The following TMEM131 variants were observed in gnomAD, a reference collection of about 807,000 sequenced individuals.
TMEM131 encodes transmembrane protein 131.
In TMEM131, 66 loss-of-function variants were observed where a neutral mutation model predicts 211.6. That is an observed-to-expected ratio of 0.31 (90% CI 0.26 to 0.38). The LOEUF (loss-of-function observed/expected upper bound fraction) is 0.38. Ranked by LOEUF, TMEM131 falls within the 10% of genes least tolerant of loss-of-function variation. The probability of loss-of-function intolerance (pLI) is 1.00; values close to 1 mark genes in which losing one functional copy is unlikely to be tolerated. For missense variants in TMEM131, 2,036 were observed against 2,299.3 expected (o/e 0.89, Z 2.34); for synonymous variants, 844 against 841.3 (o/e 1.00, Z -0.06).
chr2:97,967,178 A>C (rs1020301585), intron 1 of TMEM131, among the ~76,000 whole-genome samples: 14 of 152,186 alleles, frequency 9.2e-5, no homozygotes, highest in Non-Finnish European at 8.8e-5. Flanking sequence ...TAATTTCATA[A>C]GCTGACTGAT....
At chr2:97,849,717 CTTTTT>C (rs11320615) in intron 5 of TMEM131, among the ~76,000 whole-genome samples, 15 of 103,816 alleles carry the variant, frequency 1.4e-4, no homozygotes, top group African/African-American at 3.5e-4. Context: ...CTCTCTCTCT[CTTTTT>C]TTTTTTTTTT....
chr2:97,943,011 GAAAAGAAAAGAAAAGAAAAGAAAAGAAAA>G (rs1677827581), intron 1 of TMEM131, among the ~76,000 whole-genome samples: 4 of 48,856 alleles, frequency 8.2e-5, no homozygotes, highest in African/African-American at 4.1e-4. Flanking sequence ...AGAAAAGAAA[GAAAAGAAAAGAAAAGAAAAGAAAAGAAAA>G]GAAAGAAAGA....
chr2:97,906,658 A>C (rs1676083727), intron 3 of TMEM131, among the ~76,000 whole-genome samples: 1 of 152,232 alleles, frequency 6.6e-6, no homozygotes, highest in South Asian at 2.1e-4. Flanking sequence ...AGAGGCCTAC[A>C]TATAGGCATT....
At position 97,792,746 on chromosome 2, in the gene TMEM131, G is replaced by T; in HGVS notation, c.3784C>A (p.Pro1262Thr). The T allele has an allele frequency of 6.2e-7, 1 of 1,614,028 alleles. No homozygotes were observed. The highest frequency in any genetic ancestry group is 8.5e-7 in the Non-Finnish European group (1 of 1,179,902). ...ASSQSANKTS[P>T]LVLDSNTVTQ... ...ACTGTGTTCGAATCTAAGACAAGGG[G>T]GCTTGTTTTGTTAGCAGACTGTGAA... The change falls in exon 31 of 41, where the codon CCC becomes ACC. Residue 1262 changes from proline to threonine, a missense_variant. Around this residue, in one of 3 missense-constraint regions of TMEM131, gnomAD observed 1,623 missense variants for 1,805.9 expected, o/e 0.90. Coordinates refer to ENST00000186436, the MANE Select transcript of TMEM131 (RefSeq NM_015348.2).
intron 1 of TMEM131, among the ~76,000 whole-genome samples, chr2:97,962,773 G>T (rs1503201): frequency 0.025 from 3,760 of 152,178 alleles, 166 homozygotes; most frequent in African/African-American, 0.087. Context: ...CCCTAAACTT[G>T]AAACAACCCA....
In TMEM131 at chr2:97,792,627, G is replaced by A. The variant is rs754675854; in HGVS notation, c.3903C>T (p.His1301=). The change falls in exon 31 of 41, where the codon CAC becomes CAT. Residue 1301 remains histidine, a synonymous_variant. Transcript: ENST00000186436. ...CTGGCGGTGGCAGAGGAGGCTGAGG[G>A]TGCTGCTCCAGCGGGCTGTGGGCAT... ...QHHAHSPLEQ[H]PQPPLPPPVP... 2 of 1,613,344 alleles carry A rather than the reference G, an allele frequency of 1.2e-6. No homozygotes were observed. The highest frequency in any genetic ancestry group is 4.5e-5 in the East Asian group (2 of 44,886).
In TMEM131 at chr2:97,756,783, GA is replaced by G; in HGVS notation, c.*315del. On this transcript the variant is annotated 3_prime_UTR_variant, in exon 41 of 41. Coordinates refer to ENST00000186436, the MANE Select transcript of TMEM131 (RefSeq NM_015348.2). Reference sequence around the variant, plus strand: ...GTAATGTCAAATCTGTGTTCATACAGATAAATAAAGCATGGGGAAGACAGGT... The same window carrying G: ...GTAATGTCAAATCTGTGTTCATACAGTAAATAAAGCATGGGGAAGACAGGT... The G allele has an allele frequency of 4.8e-6, 1 of 208,346 alleles. No individual in the cohort carries two copies. Among genetic ancestry groups the G allele is most frequent in the South Asian group, 1.7e-4 (1 of 5,728 alleles). The allele number at this position is 208,346 out of a possible 1,614,324, so 12.9% of individuals were successfully genotyped here. A position where few individuals can be genotyped will look rare whatever the true frequency, so the allele number is the denominator to read the frequency against.
intron 4 of TMEM131, 23 bp from the exon 5 acceptor site, chr2:97,859,450 T>A (rs766248060): frequency 2.0e-6 from 3 of 1,518,088 alleles, no homozygotes; most frequent in South Asian, 2.6e-5. Context: ...AAGAAAATTA[T>A]CACAAATATT....
intron 31 of TMEM131, among the ~76,000 whole-genome samples, chr2:97,783,313 G>A (rs113991406): frequency 6.6e-6 from 1 of 152,048 alleles, no homozygotes; most frequent in African/African-American, 2.4e-5. Flanking sequence ...ATGGCTGAAG[G>A]AAGTTACCAA....
chr2:97,758,782 ATGC>A (rs1308322066), intron 40 of TMEM131, 108 bp downstream of exon 40: 22 of 1,394,946 alleles, frequency 1.6e-5, no homozygotes, highest in Non-Finnish European at 1.8e-5. Flanking sequence ...CACCCCTCTG[ATGC>A]TGCTGTTTGT....
chr2:97,778,366 T>C (rs1034657817), intron 31 of TMEM131, among the ~76,000 whole-genome samples: 10 of 152,062 alleles, frequency 6.6e-5, no homozygotes, highest in African/African-American at 2.4e-4. Context: ...GCCTGGCCAA[T>C]ATGATGAAAC....
In TMEM131 at chr2:97,864,336, T is replaced by TA. The variant is rs781443565; in HGVS notation, c.360-4910dup. Reference sequence around the variant, plus strand: ...CCTAGCACAACACGGTGACTACAGTTAAAAAAAAAATTAACTGTACCTTTT... The same window carrying TA: ...CCTAGCACAACACGGTGACTACAGTTAAAAAAAAAAATTAACTGTACCTTTT... On this transcript the variant is annotated intron_variant, in intron 4 of 40. Transcript: ENST00000186436. Among the ~76,000 whole-genome samples, 131 of 149,702 alleles carry TA rather than the reference T, an allele frequency of 8.8e-4. 3 individuals are homozygous for TA. In the East Asian group the frequency reaches 0.017, roughly 19 times the overall value.
intron 11 of TMEM131, among the ~76,000 whole-genome samples, chr2:97,824,130 T>C (rs1050283660): frequency 1.3e-5 from 2 of 152,154 alleles, no homozygotes; most frequent in Admixed American, 6.5e-5. Flanking sequence ...AAGGACACTT[T>C]AAAAAAGATT....
At chr2:97,955,091 C>T (rs922785561) in intron 1 of TMEM131, among the ~76,000 whole-genome samples, 3 of 151,802 alleles carry the variant, frequency 2.0e-5, no homozygotes, top group Non-Finnish European at 4.4e-5. Flanking sequence ...CAAACAAATA[C>T]CAGCAAACTG....
chr2:97,956,248 G>A (rs1393756246), intron 1 of TMEM131, among the ~76,000 whole-genome samples: 2 of 152,152 alleles, frequency 1.3e-5, no homozygotes, highest in Non-Finnish European at 2.9e-5. Flanking sequence ...TAATCCACTG[G>A]AGGAATTTTT....
At chr2:97,901,603 T>TA (rs771745129) in intron 3 of TMEM131, among the ~76,000 whole-genome samples, 31 of 152,194 alleles carry the variant, frequency 2.0e-4, no homozygotes, top group African/African-American at 7.0e-4. Flanking sequence ...TATTCAGCCA[T>TA]AAAAAACAAT....
intron 1 of TMEM131, among the ~76,000 whole-genome samples, chr2:97,960,154 A>ACAAG (rs1553620490): frequency 1.3e-5 from 2 of 151,568 alleles, no homozygotes; most frequent in Non-Finnish European, 3.0e-5. Flanking sequence ...TTTGTAATAG[A>ACAAG]TAATTCATAA....
At chr2:97,786,464 G>C (rs371868649) in intron 31 of TMEM131, among the ~76,000 whole-genome samples, 27 of 152,280 alleles carry the variant, frequency 1.8e-4, no homozygotes, top group African/African-American at 6.0e-4. Context: ...AAGTCTGGGA[G>C]GCTGCACTGG....
chr2:97,911,924 AAAAAC>A (rs1269328531), intron 2 of TMEM131, among the ~76,000 whole-genome samples: 2 of 152,202 alleles, frequency 1.3e-5, no homozygotes, highest in African/African-American at 2.4e-5. Flanking sequence ...TCAAGAGATT[AAAAAC>A]AAAACAAAAG....
Sources: gnomAD v4.1 joint callset for allele counts (sites outside exome capture counted in the v4.1 genomes callset) on GRCh38, gnomAD v4.1.1 for gene constraint, gnomAD v4.1.1 regional missense constraint, MANE v1.5 for transcripts, NCBI Gene and HGNC (gene_info 2026-07-23, HGNC 2026-07-21) for gene names.